The following SERGEF variants were observed in gnomAD, a reference collection of about 807,000 sequenced individuals.
The protein encoded by SERGEF is secretion regulating guanine nucleotide exchange factor.
A neutral mutation model predicts 50.0 loss-of-function variants in SERGEF; 51 were observed. The observed-to-expected ratio is 1.02, with a 90% CI of 0.81 to 1.29. The LOEUF (loss-of-function observed/expected upper bound fraction) is 1.29, where lower values mean the gene tolerates loss of function less well. Among genes scored for constraint, SERGEF ranks in the 50% most tolerant of loss-of-function variants. SERGEF has a pLI of 0.00. For missense variants in SERGEF, 521 were observed against 557.0 expected, an observed-to-expected ratio of 0.94 and a Z score of 0.65; for synonymous variants, 205 against 212.4, an observed-to-expected ratio of 0.97 and a Z score of 0.30.
At chr11:17,809,359 G>A (rs538361989) in intron 10 of SERGEF, among the ~76,000 whole-genome samples, 2 of 152,306 alleles carry the variant, frequency 1.3e-5, no homozygotes, top group Non-Finnish European at 2.9e-5. Flanking sequence ...TCCTCAAAAA[G>A]CCTGACTAAA....
intron 10 of SERGEF, chr11:17,877,924 T>C (rs1851267114): frequency 6.5e-6 from 2 of 309,242 alleles, no homozygotes; most frequent in African/African-American, 2.2e-5. Context: ...TTTCTACACA[T>C]GGTGCCCCTC....
At chr11:17,885,636 A>AT (rs111936875) in intron 9 of SERGEF, among the ~76,000 whole-genome samples, 3,171 of 149,686 alleles carry the variant, frequency 0.021, 167 homozygotes, top group East Asian at 0.21. Flanking sequence ...GCATGATCTG[A>AT]TTTTTTTTTT....
chr11:18,012,787 G>GACAA, intron 1 of SERGEF, 164 bp downstream of exon 1: 1 of 700,290 alleles, frequency 1.4e-6, no homozygotes, highest in Non-Finnish European at 2.1e-6. Flanking sequence ...CCGCCCGCCC[G>GACAA]CTCCTCCTCC....
In SERGEF at chr11:18,012,564, G is replaced by A. The variant is rs537624173; in HGVS notation, c.60+387C>T. The A allele has an allele frequency of 7.2e-4, 838 of 1,164,870 alleles. 1 individual carries two copies. Among genetic ancestry groups the A allele is most frequent in the Middle Eastern group, 1.1e-3 (3 of 2,656 alleles). 72.2% of individuals were successfully genotyped at this position (1,164,870 alleles called of 1,614,324 possible). ...CCCTCCTCCAGGCATCAGGAGTGTG[G>A]GGGGCACAGGTGGCCCCACGGAGCT... On this transcript the variant is annotated intron_variant, in intron 1 of 10. Transcript: ENST00000265965.
chr11:17,841,923 T>C (rs1192483081), intron 10 of SERGEF, among the ~76,000 whole-genome samples: 1 of 152,220 alleles, frequency 6.6e-6, no homozygotes, highest in African/African-American at 2.4e-5. Flanking sequence ...CTCCTAGTGA[T>C]CCTTCAGATC....
At chr11:17,935,615 C>T (rs931415666) in intron 9 of SERGEF, among the ~76,000 whole-genome samples, 1 of 152,128 alleles carries the variant, frequency 6.6e-6, no homozygotes, top group Non-Finnish European at 1.5e-5. Context: ...CAAGTTTATA[C>T]AGGTAATTAG....
chr11:17,875,705 T>C (rs1481270781), intron 10 of SERGEF, among the ~76,000 whole-genome samples: 3 of 152,262 alleles, frequency 2.0e-5, no homozygotes, highest in Non-Finnish European at 4.4e-5. Flanking sequence ...TTCTCAATCA[T>C]GTCCTTTCAC....
intron 10 of SERGEF, among the ~76,000 whole-genome samples, chr11:17,797,679 G>C (rs1246950356): frequency 6.6e-6 from 1 of 152,140 alleles, no homozygotes; most frequent in Non-Finnish European, 1.5e-5. Flanking sequence ...CCCAGTACCT[G>C]AAACAGTGCT....
chr11:17,930,714 A>C (rs1852336346), intron 9 of SERGEF, among the ~76,000 whole-genome samples: 1 of 152,218 alleles, frequency 6.6e-6, no homozygotes, highest in South Asian at 2.1e-4. Context: ...ATCAGATGAC[A>C]GGGTTCAAGT....
intron 9 of SERGEF, among the ~76,000 whole-genome samples, chr11:17,892,414 A>G (rs1042672239): frequency 6.6e-6 from 1 of 152,184 alleles, no homozygotes; most frequent in Non-Finnish European, 1.5e-5. Context: ...TACCCTGTTC[A>G]ATGATGAGAT....
intron 6 of SERGEF, among the ~76,000 whole-genome samples, chr11:17,993,823 A>G (rs1005589213): frequency 3.9e-5 from 6 of 152,140 alleles, no homozygotes; most frequent in African/African-American, 1.4e-4. Context: ...CCCGGGTTCC[A>G]GCTCCAGAAC....
intron 5 of SERGEF, 37 bp downstream of exon 5, chr11:18,000,459 TA>T: frequency 7.1e-7 from 1 of 1,411,222 alleles, no homozygotes. Context: ...TAAAAAGTAT[TA>T]AAAATAAAAA....
chr11:17,852,628 A>T (rs1249601650), intron 10 of SERGEF, among the ~76,000 whole-genome samples: 1 of 152,238 alleles, frequency 6.6e-6, no homozygotes, highest in Admixed American at 6.5e-5. Context: ...ATAAAGGACA[A>T]AAGGAATCAG....
At chr11:17,821,712 C>A (rs1003458920) in intron 10 of SERGEF, among the ~76,000 whole-genome samples, 2 of 152,212 alleles carry the variant, frequency 1.3e-5, no homozygotes, top group Admixed American at 1.3e-4. Context: ...ATTAATCTCT[C>A]TATATTAATT....
At chr11:17,812,938 A>C (rs764245164) in intron 10 of SERGEF, among the ~76,000 whole-genome samples, 2 of 152,140 alleles carry the variant, frequency 1.3e-5, no homozygotes, top group Non-Finnish European at 2.9e-5. Context: ...GAGAGCGTGA[A>C]GGCAATGTCA....
At chr11:17,837,046 C>G (rs1280171794) in intron 10 of SERGEF, among the ~76,000 whole-genome samples, 1 of 152,186 alleles carries the variant, frequency 6.6e-6, no homozygotes, top group Non-Finnish European at 1.5e-5. Context: ...GGTATAAGAA[C>G]TAGCCGCTAT....
intron 10 of SERGEF, among the ~76,000 whole-genome samples, chr11:17,820,432 G>T (rs1221395836): frequency 1.3e-5 from 2 of 152,236 alleles, no homozygotes; most frequent in Non-Finnish European, 2.9e-5. Flanking sequence ...ATTCTGGTCA[G>T]TGTGCCATGG....
At chr11:17,984,417 T>A (rs1420415675) in intron 8 of SERGEF, among the ~76,000 whole-genome samples, 1 of 151,950 alleles carries the variant, frequency 6.6e-6, no homozygotes, top group Non-Finnish European at 1.5e-5. Context: ...AACAACCAGA[T>A]CTCATGAGAA....
intron 3 of SERGEF, among the ~76,000 whole-genome samples, chr11:18,006,122 C>T (rs919650031): frequency 5.3e-5 from 8 of 152,226 alleles, no homozygotes; most frequent in African/African-American, 1.9e-4. Context: ...CACAACTTTC[C>T]TTGACAACCA....
Sources: allele counts gnomAD v4.1 joint callset (sites outside exome capture counted in the v4.1 genomes callset), GRCh38; gene constraint gnomAD v4.1.1; transcripts MANE v1.5; gene names NCBI Gene and HGNC (gene_info 2026-07-23, HGNC 2026-07-21).